Variants in PHF24 observed in about 807,000 individuals in gnomAD.
PHF24 encodes Galpha inhibitory interacting protein.
A neutral mutation model predicts 42.6 loss-of-function variants in PHF24; 25 were observed. That is an observed-to-expected ratio of 0.59 (90% confidence interval 0.43 to 0.82). The LOEUF (loss-of-function observed/expected upper bound fraction) is 0.82, where lower values mean the gene tolerates loss of function less well. Among genes scored for constraint, PHF24 ranks in the 40% least tolerant of loss-of-function variants. PHF24 has a pLI of 0.00. For missense variants in PHF24, 470 were observed against 538.1 expected (o/e 0.87, Z 1.25); for synonymous variants, 185 against 204.8 (o/e 0.90, Z 0.83).
chr9:34,942,820 C>T, the PHF24 span, among the ~76,000 whole-genome samples: 5 of 151,810 alleles, frequency 3.3e-5, no homozygotes, highest in South Asian at 2.1e-4. Context: ...GGACCAAAGG[C>T]GGGGAACATC....
Position 34,977,182 on chromosome 9 carries a change from C to T in PHF24, c.949C>T (p.Arg317Cys), listed in dbSNP as rs375687553. The change falls in exon 6 of 8, where the codon CGC becomes TGC. Residue 317 changes from arginine to cysteine, a missense_variant. Coordinates refer to ENST00000242315, the Ensembl canonical transcript of PHF24. ...GAGCACCGTCAGTGAGGCAGAGTGC[C>T]GCCGGGCCCAGCACTCTTGGTTTTG... 36 of 1,613,726 alleles carry T rather than the reference C, an allele frequency of 2.2e-5. No homozygotes were observed. The highest frequency in any genetic ancestry group is 2.7e-5 in the African/African-American group (2 of 74,904).
At chr9:34,726,706 C>T in the PHF24 span, 12 of 1,551,684 alleles carry the variant, frequency 7.7e-6, no homozygotes, top group Non-Finnish European at 1.0e-5. Context: ...TTAAAGATTT[C>T]TGATCTGTTA....
chr9:34,791,141 A>G, the PHF24 span, among the ~76,000 whole-genome samples: 6 of 152,370 alleles, frequency 3.9e-5, no homozygotes, highest in Non-Finnish European at 5.9e-5. Flanking sequence ...AGAACTGACT[A>G]TAGGAGTAGA....
the PHF24 span, among the ~76,000 whole-genome samples, chr9:34,871,124 T>A: frequency 6.6e-6 from 1 of 152,252 alleles, no homozygotes; most frequent in African/African-American, 2.4e-5. Context: ...GTCAATGTTT[T>A]GGATTTTGGC....
At chr9:34,889,027 A>G in the PHF24 span, 1 of 398,510 alleles carries the variant, frequency 2.5e-6, no homozygotes, top group Middle Eastern at 6.3e-4. Flanking sequence ...TGTCTATCAT[A>G]TACCACATTG....
the PHF24 span, among the ~76,000 whole-genome samples, chr9:34,938,455 G>A: frequency 6.6e-6 from 1 of 152,212 alleles, no homozygotes; most frequent in Non-Finnish European, 1.5e-5. Context: ...AAGGGAAAAT[G>A]AAGCAAACAG....
chr9:34,891,873 C>T, the PHF24 span, among the ~76,000 whole-genome samples: 1 of 152,186 alleles, frequency 6.6e-6, no homozygotes, highest in Non-Finnish European at 1.5e-5. Context: ...GCAGGTGCCA[C>T]TCCAAGGCTT....
chr9:34,873,927 T>C, the PHF24 span, among the ~76,000 whole-genome samples: 1 of 152,204 alleles, frequency 6.6e-6, no homozygotes, highest in Non-Finnish European at 1.5e-5. Flanking sequence ...TCACATCTGG[T>C]TGGATTCCTA....
At chr9:34,861,510 T>G in the PHF24 span, among the ~76,000 whole-genome samples, 557 of 152,188 alleles carry the variant, frequency 3.7e-3, 2 homozygotes, top group African/African-American at 0.013. Context: ...TGCCATAAAG[T>G]CTAGAAGTAC....
At chr9:34,674,066 T>C in the PHF24 span, among the ~76,000 whole-genome samples, 1 of 152,352 alleles carries the variant, frequency 6.6e-6, no homozygotes, top group Non-Finnish European at 1.5e-5. Context: ...TCATACCTAG[T>C]TTTGATATAA....
chr9:34,783,417 C>T, the PHF24 span, among the ~76,000 whole-genome samples: 1 of 152,162 alleles, frequency 6.6e-6, no homozygotes, highest in Non-Finnish European at 1.5e-5. Context: ...TCTTCACATC[C>T]CAAGACTTTG....
intron 1 of PHF24, among the ~76,000 whole-genome samples, chr9:34,964,426 G>A (rs975088362): frequency 2.0e-5 from 3 of 152,170 alleles, no homozygotes; most frequent in Non-Finnish European, 2.9e-5. Context: ...ATCAGTAAAT[G>A]TACTTTACAT....
At chr9:34,731,836 G>A in the PHF24 span, among the ~76,000 whole-genome samples, 10 of 151,876 alleles carry the variant, frequency 6.6e-5, no homozygotes, top group African/African-American at 2.4e-4. Context: ...GGATCATATA[G>A]TAGTTGTATT....
chr9:34,788,597 C>G, the PHF24 span, among the ~76,000 whole-genome samples: 1 of 152,178 alleles, frequency 6.6e-6, no homozygotes, highest in Non-Finnish European at 1.5e-5. Context: ...ATTGTATTTA[C>G]TGATAGCAAA....
the PHF24 span, among the ~76,000 whole-genome samples, chr9:34,875,950 ACT>A: frequency 3.3e-3 from 262 of 78,734 alleles, no homozygotes; most frequent in South Asian, 0.012. Flanking sequence ...ACACACACAC[ACT>A]CTCTCTCTCT....
the PHF24 span, chr9:34,709,657 C>T: frequency 2.5e-6 from 4 of 1,613,986 alleles, no homozygotes; most frequent in Non-Finnish European, 3.4e-6. Context: ...CATAGCTCTG[C>T]CTGAGAGCGC....
chr9:34,938,603 T>C, the PHF24 span, among the ~76,000 whole-genome samples: 1 of 152,282 alleles, frequency 6.6e-6, no homozygotes, highest in Non-Finnish European at 1.5e-5. Context: ...CCCTGAAACA[T>C]AGTTTCCTCA....
At chr9:34,846,643 C>T in the PHF24 span, among the ~76,000 whole-genome samples, 1 of 152,164 alleles carries the variant, frequency 6.6e-6, no homozygotes, top group Admixed American at 6.5e-5. Context: ...GTTGCCTTTG[C>T]TTTTGATGTT....
chr9:34,709,705 C>T, the PHF24 span: 2 of 1,613,532 alleles, frequency 1.2e-6, no homozygotes, highest in East Asian at 2.2e-5. Context: ...GCTAGTAAGC[C>T]TTCTTAGTCT....
Sources: gnomAD v4.1 joint callset for allele counts (sites outside exome capture counted in the v4.1 genomes callset) on GRCh38, gnomAD v4.1.1 for gene constraint, MANE v1.5 for transcripts, NCBI Gene and HGNC (gene_info 2026-07-23, HGNC 2026-07-21) for gene names.